PGCKA1: variants seen among roughly 807,000 people sequenced by gnomAD.
The protein encoded by PGCKA1 is PDCD10 and GCKIII kinases associated 1, also known as PDCD10 and GCKIII kinases-associated protein 1.
the PGCKA1 span, among the ~76,000 whole-genome samples, chr4:37,459,125 A>G: frequency 6.6e-6 from 1 of 152,188 alleles, no homozygotes. Flanking sequence ...TAAGTATTAT[A>G]CGGCTCAGAG....
chr4:37,494,963 A>G, the PGCKA1 span, among the ~76,000 whole-genome samples: 1 of 152,090 alleles, frequency 6.6e-6, no homozygotes, highest in Admixed American at 6.6e-5. Context: ...AGAATGGGAG[A>G]AAATTTTTGC....
chr4:37,529,907 G>T, the PGCKA1 span, among the ~76,000 whole-genome samples: 1 of 151,966 alleles, frequency 6.6e-6, no homozygotes, highest in Non-Finnish European at 1.5e-5. Flanking sequence ...TATAAGATAG[G>T]TATTATTATC....
At chr4:37,484,515 T>C in the PGCKA1 span, among the ~76,000 whole-genome samples, 1 of 152,144 alleles carries the variant, frequency 6.6e-6, no homozygotes, top group African/African-American at 2.4e-5. Flanking sequence ...ATCAAGGAGA[T>C]AGGGCCTTTG....
chr4:37,555,542 C>G, the PGCKA1 span, among the ~76,000 whole-genome samples: 503 of 152,282 alleles, frequency 3.3e-3, 3 homozygotes, highest in Middle Eastern at 6.8e-3. Flanking sequence ...GTCTTCTCTT[C>G]AGAAATGCTG....
At chr4:37,518,889 T>G in the PGCKA1 span, among the ~76,000 whole-genome samples, 1 of 152,220 alleles carries the variant, frequency 6.6e-6, no homozygotes, top group African/African-American at 2.4e-5. Flanking sequence ...CCTGTAGTAG[T>G]TTCATAGTTT....
the PGCKA1 span, among the ~76,000 whole-genome samples, chr4:37,576,759 T>A: frequency 9.2e-5 from 14 of 152,116 alleles, no homozygotes; most frequent in African/African-American, 3.4e-4. Context: ...TTCCCTACTA[T>A]ACCCAGTGTT....
the PGCKA1 span, among the ~76,000 whole-genome samples, chr4:37,490,342 G>T: frequency 6.6e-6 from 1 of 152,132 alleles, no homozygotes; most frequent in Admixed American, 6.6e-5. Flanking sequence ...TCTCTTAAAT[G>T]TAGAGACCCC....
At chr4:37,464,135 C>A in the PGCKA1 span, among the ~76,000 whole-genome samples, 1 of 152,132 alleles carries the variant, frequency 6.6e-6, no homozygotes, top group South Asian at 2.1e-4. Context: ...TTTAAGTGAG[C>A]CCTTTGGAAA....
At chr4:37,568,422 G>C in the PGCKA1 span, among the ~76,000 whole-genome samples, 1 of 152,216 alleles carries the variant, frequency 6.6e-6, no homozygotes, top group Non-Finnish European at 1.5e-5. Flanking sequence ...CAGTGGAGAA[G>C]GGGGGTCACT....
the PGCKA1 span, among the ~76,000 whole-genome samples, chr4:37,584,967 TCAAA>T: frequency 6.6e-6 from 1 of 150,460 alleles, no homozygotes; most frequent in East Asian, 2.0e-4. Context: ...TCCTTGTTTC[TCAAA>T]CAGTTCTAAG....
chr4:37,483,511 A>G, the PGCKA1 span, among the ~76,000 whole-genome samples: 4 of 152,192 alleles, frequency 2.6e-5, no homozygotes, highest in Non-Finnish European at 5.9e-5. Flanking sequence ...TTATGTCTCC[A>G]TCCTCAGCAC....
chr4:37,547,730 G>A, the PGCKA1 span, among the ~76,000 whole-genome samples: 5 of 152,130 alleles, frequency 3.3e-5, no homozygotes, highest in African/African-American at 1.2e-4. Flanking sequence ...GAGAACAGCA[G>A]CATAAGTGGC....
At chr4:37,535,469 G>C in the PGCKA1 span, among the ~76,000 whole-genome samples, 1 of 152,084 alleles carries the variant, frequency 6.6e-6, no homozygotes, top group South Asian at 2.1e-4. Flanking sequence ...TGGAGTGGGG[G>C]GCCACAGTGA....
At chr4:37,502,294 T>C in the PGCKA1 span, among the ~76,000 whole-genome samples, 1 of 152,206 alleles carries the variant, frequency 6.6e-6, no homozygotes, top group South Asian at 2.1e-4. Flanking sequence ...CCTGCCTCCA[T>C]GCAAGTGTTC....
At chr4:37,483,054 G>C in the PGCKA1 span, among the ~76,000 whole-genome samples, 2 of 152,152 alleles carry the variant, frequency 1.3e-5, no homozygotes, top group Non-Finnish European at 2.9e-5. Flanking sequence ...CATGGGAGGG[G>C]CCCAGTGGGA....
the PGCKA1 span, chr4:37,591,886 G>A: frequency 6.6e-6 from 1 of 152,132 alleles, no homozygotes; most frequent in South Asian, 2.1e-4. Flanking sequence ...GAATATCAGT[G>A]ACCCTGGATG....
At chr4:37,508,010 C>T in the PGCKA1 span, among the ~76,000 whole-genome samples, 3 of 152,190 alleles carry the variant, frequency 2.0e-5, no homozygotes, top group East Asian at 5.8e-4. Flanking sequence ...GCCCTCTCTC[C>T]TAGCCTGTGA....
chr4:37,455,446 A>G, the PGCKA1 span, among the ~76,000 whole-genome samples: 2 of 152,242 alleles, frequency 1.3e-5, no homozygotes, highest in Non-Finnish European at 2.9e-5. Context: ...GAAATGGAAC[A>G]GATGCTGAGA....
the PGCKA1 span, among the ~76,000 whole-genome samples, chr4:37,486,124 G>A: frequency 2.0e-5 from 3 of 152,218 alleles, no homozygotes; most frequent in South Asian, 2.1e-4. Flanking sequence ...GTGCTGCCAC[G>A]TCTATACCAT....
Sources: allele counts gnomAD v4.1 joint callset (sites outside exome capture counted in the v4.1 genomes callset), GRCh38; gene constraint gnomAD v4.1.1; transcripts MANE v1.5; gene names NCBI Gene and HGNC (gene_info 2026-07-23, HGNC 2026-07-21).